ATP1A2: variants seen among roughly 807,000 people sequenced by gnomAD.
ATP1A2 encodes the protein sodium/potassium-transporting ATPase subunit alpha-2.
In ATP1A2, 56 loss-of-function variants were observed where a neutral mutation model predicts 113.1. The observed-to-expected ratio is 0.49, with a 90% CI of 0.40 to 0.62. The LOEUF (loss-of-function observed/expected upper bound fraction) is 0.62. ATP1A2 is among the 20% of genes least tolerant of loss of function. The pLI is 0.00. For missense variants in ATP1A2, 712 were observed against 1,357.8 expected (o/e 0.52, Z 7.47); for synonymous variants, 490 against 526.8 (o/e 0.93, Z 0.96).
At chr1:160,141,024 G>A (rs574329613) in intron 22 of ATP1A2, among the ~76,000 whole-genome samples, 3 of 151,968 alleles carry the variant, frequency 2.0e-5, no homozygotes, top group South Asian at 2.1e-4. Context: ...CACTATGCCC[G>A]ACTAATTTTT....
chr1:160,127,422 G>T, intron 7 of ATP1A2, 130 bp from the exon 8 acceptor site: 1 of 1,309,740 alleles, frequency 7.6e-7, no homozygotes, highest in Admixed American at 2.0e-5. Context: ...ACAACCTACT[G>T]AATGTGGCCT....
intron 1 of ATP1A2, among the ~76,000 whole-genome samples, chr1:160,119,883 G>T (rs372395048): frequency 6.6e-6 from 1 of 151,692 alleles, no homozygotes; most frequent in South Asian, 2.1e-4. Flanking sequence ...TTAGCTGAGC[G>T]TGGTGGTGCA....
At chr1:160,127,920 C>T in intron 8 of ATP1A2, 100 bp downstream of exon 8, 3 of 1,467,158 alleles carry the variant, frequency 2.0e-6, no homozygotes, top group South Asian at 1.4e-5. Flanking sequence ...CTACTTTTTC[C>T]CCCTAGAGTC....
chr1:160,132,823 T>A (rs1419667256), intron 13 of ATP1A2, among the ~76,000 whole-genome samples: 4 of 152,054 alleles, frequency 2.6e-5, no homozygotes, highest in African/African-American at 9.7e-5. Context: ...AACTAAAGGC[T>A]TATAGTATGT....
At chr1:160,128,399 C>A in intron 8 of ATP1A2, 1 of 1,046,128 alleles carries the variant, frequency 9.6e-7, no homozygotes, top group Non-Finnish European at 1.4e-6. Context: ...CATCCCTATG[C>A]TCAGCTCTGC....
At chr1:160,122,878 G>C (rs773070577) in intron 3 of ATP1A2, among the ~76,000 whole-genome samples, 1 of 152,160 alleles carries the variant, frequency 6.6e-6, no homozygotes, top group Non-Finnish European at 1.5e-5. Flanking sequence ...TGAAGGAAGA[G>C]AGATGGGGAA....
intron 20 of ATP1A2, 78 bp from the exon 21 acceptor site, chr1:160,139,562 C>T (rs879922121): frequency 1.9e-4 from 241 of 1,293,248 alleles, no homozygotes; most frequent in Middle Eastern, 7.3e-4. Context: ...TCCTCTTTCC[C>T]TTGCACCCCA....
In ATP1A2 at chr1:160,136,576, T is replaced by C. The variant is rs775748225; in HGVS notation, c.2570T>C (p.Ile857Thr). 6.2e-7 allele frequency: 1 copy of C among 1,614,242 alleles called. No individual in the cohort carries two copies. The highest frequency in any genetic ancestry group is 2.2e-5 in the East Asian group (1 of 44,882). ...ISMAYGQIGM[I>T]QALGGFFTYF... ...TTTGGCCCTCTACCCACAGGGATGA[T>C]CCAGGCACTGGGTGGCTTCTTCACC... Residue 857 changes from isoleucine to threonine, a missense_variant, in exon 19 of 23, where the codon ATC (isoleucine) becomes ACC (threonine). Coordinates refer to ENST00000361216, the MANE Select transcript of ATP1A2 (RefSeq NM_000702.4).
In ATP1A2 at chr1:160,126,076, A is replaced by G. The variant is rs145510126; in HGVS notation, c.748+823A>G. Among the ~76,000 whole-genome samples the G allele has an allele frequency of 7.2e-3, 1,101 of 152,240 alleles. 19 individuals carry two copies. The highest frequency in any genetic ancestry group is 8.1e-3 in the Non-Finnish European group (551 of 68,006). On this transcript the variant is annotated intron_variant, in intron 7 of 22. Transcript: ENST00000361216. ...TCCATTACTCATTTCTCCTCAGTGTATTATGTTTCTCTGTGGTTTTTTTCC... is the reference window on the plus strand; with the variant it reads ...TCCATTACTCATTTCTCCTCAGTGTGTTATGTTTCTCTGTGGTTTTTTTCC...
In ATP1A2 at chr1:160,129,012, A is replaced by G. The variant is rs1486565697; in HGVS notation, c.1249A>G (p.Thr417Ala). The change falls in exon 10 of 23, where the codon ACG (threonine) becomes GCG (alanine). Residue 417 changes from threonine (T) to alanine (A), a missense_variant. By Grantham distance (58) the Thr-to-Ala change is moderately conservative. Coordinates refer to ENST00000361216, the MANE Select transcript of ATP1A2 (RefSeq NM_000702.4). ...ATFDKRSPTW[T>A]ALSRIAGLCN... ...TTTTGACAAACGATCCCCTACGTGG[A>G]CGGCCCTGTCTCGAATTGCTGGTCT... is the stretch of plus-strand genomic sequence containing the variant. 4.3e-6 allele frequency: 7 copies of G among 1,609,888 alleles called. No individual in the cohort carries two copies. In the Middle Eastern group the frequency reaches 5.0e-4, roughly 114 times the overall value.
chr1:160,122,477 G>GA (rs1007348384), intron 3 of ATP1A2, among the ~76,000 whole-genome samples: 12 of 150,880 alleles, frequency 8.0e-5, no homozygotes, highest in Non-Finnish European at 1.8e-4. Flanking sequence ...TCTAGTAGCA[G>GA]AAAAAATGCA....
Position 160,115,844 on chromosome 1 carries a change from C to T in ATP1A2, c.-18C>T, listed in dbSNP as rs753471059. 1 of 1,595,476 alleles carries T rather than the reference C, an allele frequency of 6.3e-7. No individual in the cohort carries two copies. Among genetic ancestry groups the T allele is most frequent in the South Asian group, 1.1e-5 (1 of 87,466 alleles). Reference sequence around the variant, plus strand: ...GGTGACCTCTCCCGCTAAGGTCCCTCAGCCACTCTGCCCCAAGATGGGCCG... The same window carrying T: ...GGTGACCTCTCCCGCTAAGGTCCCTTAGCCACTCTGCCCCAAGATGGGCCG... On this transcript the variant is annotated 5_prime_UTR_variant, in exon 1 of 23. Transcript: ENST00000361216.
rs115382132 is a variant in ATP1A2, at chr1:160,140,551, G to A, written c.3034+567G>A. On this transcript the variant is annotated intron_variant, in intron 22 of 22. Coordinates refer to ENST00000361216, the MANE Select transcript of ATP1A2 (RefSeq NM_000702.4). ...GGGAGGAGGGTGGATTAATTGGTCC[G>A]ATATAGAAAATTTAGGGTCTTTCAC... is the stretch of plus-strand genomic sequence containing the variant. The A allele has an allele frequency of 5.6e-3, 944 of 169,714 alleles. 9 individuals are homozygous for A. The highest frequency in any genetic ancestry group is 0.021 in the African/African-American group (867 of 41,732). 10.5% of individuals were successfully genotyped at this position (169,714 alleles called of 1,614,324 possible). A position where few individuals can be genotyped will look rare whatever the true frequency, so the allele number is the denominator to read the frequency against.
intron 11 of ATP1A2, 146 bp from the exon 12 acceptor site, chr1:160,129,956 C>T (rs1318226253): frequency 2.0e-6 from 2 of 1,002,366 alleles, no homozygotes; most frequent in Middle Eastern, 2.2e-4. Flanking sequence ...GTCTAAACAC[C>T]CCCCTGCACA....
At chr1:160,133,366 G>A (rs1043761172) in intron 13 of ATP1A2, among the ~76,000 whole-genome samples, 8 of 151,852 alleles carry the variant, frequency 5.3e-5, no homozygotes, top group African/African-American at 1.9e-4. Context: ...AAGGCAGTGG[G>A]GACCATGGAG....
At chr1:160,129,450 G>T in intron 11 of ATP1A2, 50 bp downstream of exon 11, 1 of 1,602,824 alleles carries the variant, frequency 6.2e-7, no homozygotes. Context: ...ATAAATGGGT[G>T]AGGGTGGACA....
intron 7 of ATP1A2, among the ~76,000 whole-genome samples, chr1:160,126,234 G>T (rs867491104): frequency 2.0e-5 from 3 of 152,038 alleles, no homozygotes; most frequent in Non-Finnish European, 4.4e-5. Context: ...TATAATCTGC[G>T]CACATCCTCC....
In ATP1A2 at chr1:160,141,805, C is replaced by T. The variant is rs1363761668; in HGVS notation, c.*483C>T. On this transcript the variant is annotated 3_prime_UTR_variant, in exon 23 of 23. Transcript: ENST00000361216. ...GCTTCCCCTTCAGACCTTGCAATCA[C>T]AAAAGGTTCTTCTGGTGAGTGCAAG... The T allele has an allele frequency of 5.1e-6, 1 of 196,924 alleles. No homozygotes were observed. The highest frequency in any genetic ancestry group is 1.1e-4 in the East Asian group (1 of 8,756). 12.2% of individuals were successfully genotyped at this position (196,924 alleles called of 1,614,324 possible).
At chr1:160,120,851 T>A in intron 1 of ATP1A2, 55 bp from the exon 2 acceptor site, 1 of 1,522,870 alleles carries the variant, frequency 6.6e-7, no homozygotes, top group Non-Finnish European at 8.9e-7. Context: ...GTGGTGGGAA[T>A]GGAGGCCCCA....
Sources: allele counts gnomAD v4.1 joint callset (sites outside exome capture counted in the v4.1 genomes callset), GRCh38; gene constraint gnomAD v4.1.1; transcripts MANE v1.5; gene names NCBI Gene and HGNC (gene_info 2026-07-23, HGNC 2026-07-21).